The following HRH1 variants were observed in gnomAD, a reference collection of about 807,000 sequenced individuals.
The protein encoded by HRH1 is histamine H1 receptor.
A neutral mutation model predicts 10.3 loss-of-function variants in HRH1; 6 were observed. The observed-to-expected ratio is 0.58, with a 90% CI of 0.32 to 1.15. The LOEUF is 1.15. HRH1 is among the 50% of genes most tolerant of loss of function. The pLI, the probability that HRH1 is intolerant of heterozygous loss-of-function variation, is 0.05. For missense variants in HRH1, 514 were observed against 615.3 expected, an observed-to-expected ratio of 0.84 and a Z score of 1.74; for synonymous variants, 242 against 236.7, an observed-to-expected ratio of 1.02 and a Z score of -0.21.
At chr3:11,229,775 CA>C (rs930566725) in intron 1 of HRH1, among the ~76,000 whole-genome samples, 1 of 151,288 alleles carries the variant, frequency 6.6e-6, no homozygotes, top group South Asian at 2.1e-4. Context: ...CTGTAGATAA[CA>C]AAAAAAATGA....
At chr3:11,216,475 G>A (rs973559423) in intron 1 of HRH1, among the ~76,000 whole-genome samples, 1 of 152,184 alleles carries the variant, frequency 6.6e-6, no homozygotes, top group Non-Finnish European at 1.5e-5. Context: ...ATGCTACAGC[G>A]TGGATGAAAC....
intron 1 of HRH1, among the ~76,000 whole-genome samples, chr3:11,193,274 A>T (rs989888126): frequency 1.3e-5 from 2 of 152,198 alleles, no homozygotes; most frequent in African/African-American, 4.8e-5. Context: ...CAGAACTTTT[A>T]AAAAATATCT....
At chr3:11,165,899 A>C (rs947175628) in intron 1 of HRH1, among the ~76,000 whole-genome samples, 1 of 152,188 alleles carries the variant, frequency 6.6e-6, no homozygotes, top group Non-Finnish European at 1.5e-5. Flanking sequence ...CCTAACACGG[A>C]GTAAGGGAAT....
chr3:11,236,841 G>A (rs933714449), intron 1 of HRH1, among the ~76,000 whole-genome samples: 2 of 152,214 alleles, frequency 1.3e-5, no homozygotes, highest in Non-Finnish European at 2.9e-5. Flanking sequence ...CTGCAGGCAG[G>A]TGTCCATCAG....
intron 1 of HRH1, among the ~76,000 whole-genome samples, chr3:11,187,693 T>C (rs1257088373): frequency 6.6e-6 from 1 of 152,240 alleles, no homozygotes; most frequent in Non-Finnish European, 1.5e-5. Flanking sequence ...GATACTCCTG[T>C]CTTCAGGAAG....
chr3:11,256,787 G>A (rs1272511421), intron 1 of HRH1, among the ~76,000 whole-genome samples: 1 of 152,060 alleles, frequency 6.6e-6, no homozygotes, highest in African/African-American at 2.4e-5. Flanking sequence ...GACAGAGCGA[G>A]ACTCCGTCTC....
At chr3:11,243,401 A>T (rs990103085) in intron 1 of HRH1, among the ~76,000 whole-genome samples, 1 of 152,218 alleles carries the variant, frequency 6.6e-6, no homozygotes, top group African/African-American at 2.4e-5. Context: ...CATGCCCTGG[A>T]GTTGCTCCCC....
At chr3:11,183,282 G>A (rs995823193) in intron 1 of HRH1, among the ~76,000 whole-genome samples, 14 of 152,278 alleles carry the variant, frequency 9.2e-5, no homozygotes, top group Admixed American at 7.2e-4. Context: ...GCTTCCTCAC[G>A]GCGGCAGGGT....
intron 1 of HRH1, among the ~76,000 whole-genome samples, chr3:11,235,074 G>C (rs1463204397): frequency 1.3e-5 from 2 of 151,978 alleles, no homozygotes; most frequent in Admixed American, 1.3e-4. Context: ...AATTAGCTGG[G>C]CGTGGTGGCA....
chr3:11,259,194 C>T lies in HRH1; in HGVS notation c.157C>T (p.Arg53Trp), dbSNP rs759549068. 12 of 1,613,434 alleles carry T rather than the reference C, an allele frequency of 7.4e-6. No individual in the cohort carries two copies. Among genetic ancestry groups the T allele is most frequent in the Admixed American group, 5.0e-5 (3 of 59,904 alleles). ...GLNLLVLYAV[R>W]SERKLHTVGN... ...CAACCTGCTGGTGCTGTATGCCGTA[C>T]GGAGTGAGCGGAAGCTCCACACTGT... Residue 53 changes from arginine (R) to tryptophan (W), a missense_variant, in exon 2 of 2, where the codon CGG becomes TGG. Transcript: ENST00000431010. This position sits in a 1 kb window ranked among gnomAD's most constrained non-coding sequence, Gnocchi z 4.6.
Position 11,246,479 on chromosome 3 carries a change from T to C in HRH1, c.-35-12524T>C, listed in dbSNP as rs192535414. Among the ~76,000 whole-genome samples the C allele has an allele frequency of 1.4e-4, 22 of 152,340 alleles. 1 individual carries two copies. In the East Asian group the frequency reaches 4.0e-3, roughly 28 times the overall value. ...TCTTGGCCATAGTATCTGACTTTTC[T>C]TTGGAATTTATGCAAGGAAAACCTC... On this transcript the variant is annotated intron_variant, in intron 1 of 1. Transcript: ENST00000431010.
At chr3:11,147,611 A>G (rs969489130) in intron 1 of HRH1, among the ~76,000 whole-genome samples, 1 of 152,120 alleles carries the variant, frequency 6.6e-6, no homozygotes, top group African/African-American at 2.4e-5. Flanking sequence ...CAGTAGGTGT[A>G]GAAAAAAAAA....
chr3:11,198,099 T>G (rs972087208), intron 1 of HRH1, among the ~76,000 whole-genome samples: 13 of 152,162 alleles, frequency 8.5e-5, no homozygotes, highest in Non-Finnish European at 1.6e-4. Flanking sequence ...TTCACTAGCT[T>G]TAGCATGGGG....
At chr3:11,159,294 C>G (rs910758657) in intron 1 of HRH1, among the ~76,000 whole-genome samples, 3 of 152,148 alleles carry the variant, frequency 2.0e-5, no homozygotes, top group African/African-American at 7.2e-5. Context: ...TTTTACAGCT[C>G]TTATGGAAGA....
At position 11,260,509 on chromosome 3, in the gene HRH1, T is replaced by G; in HGVS notation, c.*8T>G. 3.2e-6 allele frequency: 5 copies of G among 1,564,734 alleles called. No individual in the cohort carries two copies. Among genetic ancestry groups the G allele is most frequent in the Non-Finnish European group, 4.3e-6 (5 of 1,155,118 alleles). On this transcript the variant is annotated 3_prime_UTR_variant, in exon 2 of 2. Coordinates refer to ENST00000431010, the MANE Select transcript of HRH1 (RefSeq NM_001098212.2). ...CTGCATATTCGCTCCTAAGGGAGGCTCTGAGGGGATGCAACAAAATGATCC... is the reference window on the plus strand; with the variant it reads ...CTGCATATTCGCTCCTAAGGGAGGCGCTGAGGGGATGCAACAAAATGATCC...
At chr3:11,146,815 A>C (rs1936459788) in intron 1 of HRH1, among the ~76,000 whole-genome samples, 1 of 152,240 alleles carries the variant, frequency 6.6e-6, no homozygotes, top group Non-Finnish European at 1.5e-5. Context: ...CCTGGCAGCC[A>C]TGGCAGCTAA....
chr3:11,240,413 G>C (rs1282025222), intron 1 of HRH1, among the ~76,000 whole-genome samples: 1 of 152,068 alleles, frequency 6.6e-6, no homozygotes, highest in Non-Finnish European at 1.5e-5. Flanking sequence ...GCAGTTGGTA[G>C]AATGTGAGTG....
At position 11,176,699 on chromosome 3, in the gene HRH1, T is replaced by C. The variant is rs188527837; in HGVS notation, c.-36+22145T>C. On this transcript the variant is annotated intron_variant, in intron 1 of 1. Transcript: ENST00000431010. ...AACTTAATGATTACTGCACATCTCC[T>C]CTCTGCCAGGCCCAAAGTCATGCTG... Among the ~76,000 whole-genome samples the C allele has an allele frequency of 1.2e-4, 19 of 152,294 alleles. No individual in the cohort carries two copies. In the East Asian group the frequency reaches 3.7e-3, roughly 29 times the overall value.
chr3:11,254,238 C>T (rs140164581), intron 1 of HRH1, among the ~76,000 whole-genome samples: 1 of 152,290 alleles, frequency 6.6e-6, no homozygotes, highest in African/African-American at 2.4e-5. Context: ...CTCAACCTCT[C>T]CTACTAGAGA....
Sources: gnomAD v4.1 joint callset for allele counts (sites outside exome capture counted in the v4.1 genomes callset) on GRCh38, gnomAD v4.1.1 for gene constraint, Gnocchi (gnomAD v3.1) non-coding constraint, MANE v1.5 for transcripts, NCBI Gene and HGNC (gene_info 2026-07-23, HGNC 2026-07-21) for gene names.